The following GPC5 variants were observed in gnomAD, a reference collection of about 807,000 sequenced individuals.
GPC5 encodes glypican 5.
Under a neutral mutation model 53.9 loss-of-function variants are expected in GPC5, and 47 were observed. The ratio of observed to expected loss-of-function variants is 0.87; its 90% CI spans 0.69 to 1.11. The LOEUF (loss-of-function observed/expected upper bound fraction) is 1.11. Ranked by LOEUF, GPC5 falls within the 50% of genes most tolerant of loss-of-function variation. The pLI is 0.00. For missense variants in GPC5, 748 were observed against 713.1 expected, an observed-to-expected ratio of 1.05 and a Z score of -0.56; for synonymous variants, 286 against 263.3, an observed-to-expected ratio of 1.09 and a Z score of -0.84.
intron 3 of GPC5, among the ~76,000 whole-genome samples, chr13:91,695,996 C>T (rs1396267302): frequency 6.6e-6 from 1 of 152,154 alleles, no homozygotes; most frequent in Non-Finnish European, 1.5e-5. Context: ...GTCATGTGGG[C>T]TGGGTCAGCT....
In GPC5 at chr13:92,588,799, A is replaced by G. The variant is rs146943670; in HGVS notation, c.1562-277483A>G. On this transcript the variant is annotated intron_variant, in intron 7 of 7. Coordinates refer to ENST00000377067, the MANE Select transcript of GPC5 (RefSeq NM_004466.6). ...TGTCCCGGTCCCTGATAGAGGAGGTATTAGTTCCATACAGTTGGCATCCTG... is the reference window on the plus strand; with the variant it reads ...TGTCCCGGTCCCTGATAGAGGAGGTGTTAGTTCCATACAGTTGGCATCCTG... Among the ~76,000 whole-genome samples the G allele has an allele frequency of 2.1e-3, 326 of 152,320 alleles. 1 individual carries two copies. The highest frequency in any genetic ancestry group is 7.3e-3 in the African/African-American group (305 of 41,574).
intron 7 of GPC5, among the ~76,000 whole-genome samples, chr13:92,293,422 CTTTTTTTTTTTTT>C (rs748125673): frequency 1.3e-4 from 10 of 77,284 alleles, no homozygotes; most frequent in South Asian, 1.1e-3. Flanking sequence ...TGGTTGGTTT[CTTTTTTTTTTTTT>C]TTTTTTTTTT....
Position 91,861,570 on chromosome 13 carries a change from G to C in GPC5, c.1281-46367G>C, listed in dbSNP as rs1242715329. Among the ~76,000 whole-genome samples the C allele has an allele frequency of 3.3e-5, 5 of 151,790 alleles. No homozygotes were observed. In the East Asian group the frequency reaches 9.7e-4, roughly 29 times the overall value. On this transcript the variant is annotated intron_variant, in intron 5 of 7. Coordinates refer to ENST00000377067, the MANE Select transcript of GPC5 (RefSeq NM_004466.6). ...TGTTGTGTATATGGTTTATCTTTTTGTATAGGTTTACTTTTCACCTATCTG... is the reference window on the plus strand; with the variant it reads ...TGTTGTGTATATGGTTTATCTTTTTCTATAGGTTTACTTTTCACCTATCTG...
intron 2 of GPC5, among the ~76,000 whole-genome samples, chr13:91,529,365 G>A (rs1392963758): frequency 6.6e-6 from 1 of 151,996 alleles, no homozygotes; most frequent in Non-Finnish European, 1.5e-5. Context: ...TTATCTTAAA[G>A]AGAAAATAAG....
intron 7 of GPC5, among the ~76,000 whole-genome samples, chr13:92,287,230 A>G (rs1322338480): frequency 6.6e-6 from 1 of 152,192 alleles, no homozygotes; most frequent in East Asian, 1.9e-4. Context: ...TGTACTTTGT[A>G]TAGTTTCTGT....
intron 7 of GPC5, among the ~76,000 whole-genome samples, chr13:92,633,141 C>T (rs1885309358): frequency 6.6e-6 from 1 of 152,148 alleles, no homozygotes; most frequent in Non-Finnish European, 1.5e-5. Flanking sequence ...GATCCACCCG[C>T]CTCGGCCTCC....
chr13:92,503,083 T>C lies in GPC5; in HGVS notation c.1561+358094T>C, dbSNP rs1225262168. On this transcript the variant is annotated intron_variant, in intron 7 of 7. Coordinates refer to ENST00000377067, the MANE Select transcript of GPC5 (RefSeq NM_004466.6). ...CACATTTTCTTCTTTTAAAAAAATCTGTATAAATTTAAGGGGTACAAGTGC... is the reference window on the plus strand; with the variant it reads ...CACATTTTCTTCTTTTAAAAAAATCCGTATAAATTTAAGGGGTACAAGTGC... Among the ~76,000 whole-genome samples, 12 of 152,088 alleles carry C rather than the reference T, an allele frequency of 7.9e-5. No individual in the cohort carries two copies. In the East Asian group the frequency reaches 2.3e-3, roughly 29 times the overall value.
chr13:91,490,218 G>T (rs970057046), intron 2 of GPC5, among the ~76,000 whole-genome samples: 3 of 152,118 alleles, frequency 2.0e-5, no homozygotes, highest in Non-Finnish European at 2.9e-5. Flanking sequence ...ATGATGGATG[G>T]AAATAGAATT....
intron 7 of GPC5, among the ~76,000 whole-genome samples, chr13:92,433,916 A>G (rs1416248546): frequency 1.3e-5 from 2 of 152,182 alleles, no homozygotes; most frequent in Non-Finnish European, 2.9e-5. Context: ...AGTCAAGCAT[A>G]CATTTGAAGA....
chr13:92,522,401 A>C (rs557599978), intron 7 of GPC5, among the ~76,000 whole-genome samples: 24 of 152,332 alleles, frequency 1.6e-4, no homozygotes, highest in South Asian at 6.2e-4. Flanking sequence ...GGATTAAGAA[A>C]ATGTGGCGCA....
At chr13:92,741,562 G>A (rs1378534272) in intron 7 of GPC5, among the ~76,000 whole-genome samples, 1 of 151,848 alleles carries the variant, frequency 6.6e-6, no homozygotes, top group African/African-American at 2.4e-5. Flanking sequence ...GGCAACTTTA[G>A]GAGTAAACAT....
At chr13:92,613,821 C>T (rs953722259) in intron 7 of GPC5, among the ~76,000 whole-genome samples, 25 of 150,110 alleles carry the variant, frequency 1.7e-4, no homozygotes, top group Non-Finnish European at 7.4e-5. Flanking sequence ...GGTGCCACTG[C>T]ACTCCCACCT....
intron 4 of GPC5, among the ~76,000 whole-genome samples, chr13:91,739,617 G>A (rs2036886422): frequency 6.6e-6 from 1 of 151,164 alleles, no homozygotes; most frequent in Non-Finnish European, 1.5e-5. Flanking sequence ...CTGTTGGTGG[G>A]AGGCCTCCGT....
chr13:92,065,244 C>A (rs1481274283), intron 6 of GPC5, among the ~76,000 whole-genome samples: 1 of 152,040 alleles, frequency 6.6e-6, no homozygotes, highest in Non-Finnish European at 1.5e-5. Context: ...TCTCCAATCT[C>A]CAGAAAATAA....
In GPC5 at chr13:91,727,188, A is replaced by G. The variant is rs536724041; in HGVS notation, c.1021-1344A>G. On this transcript the variant is annotated intron_variant, in intron 3 of 7. Coordinates refer to ENST00000377067, the MANE Select transcript of GPC5 (RefSeq NM_004466.6). ...GATTTGTATCTCTAGCAATTAACAT[A>G]GTAGGGTATAACAGATATTTATTTT... Among the ~76,000 whole-genome samples the G allele has an allele frequency of 2.6e-5, 4 of 152,362 alleles. No homozygotes were observed. In the South Asian group the frequency reaches 8.3e-4, roughly 32 times the overall value.
At chr13:91,530,139 T>G (rs1410572576) in intron 2 of GPC5, among the ~76,000 whole-genome samples, 1 of 152,214 alleles carries the variant, frequency 6.6e-6, no homozygotes, top group East Asian at 1.9e-4. Flanking sequence ...CTTCAACATC[T>G]GCAAACTTCA....
At chr13:91,846,400 G>T (rs1032155107) in intron 5 of GPC5, among the ~76,000 whole-genome samples, 3 of 151,832 alleles carry the variant, frequency 2.0e-5, no homozygotes, top group African/African-American at 7.3e-5. Flanking sequence ...TGTACATAAG[G>T]GTTTTATTGA....
chr13:91,818,098 A>C (rs895938939), intron 5 of GPC5, among the ~76,000 whole-genome samples: 14 of 152,184 alleles, frequency 9.2e-5, no homozygotes, highest in African/African-American at 2.7e-4. Context: ...CTTTTCCTGG[A>C]AACTGGCATC....
At chr13:91,726,206 G>A (rs1216509956) in intron 3 of GPC5, among the ~76,000 whole-genome samples, 3 of 152,120 alleles carry the variant, frequency 2.0e-5, no homozygotes, top group Non-Finnish European at 2.9e-5. Flanking sequence ...ACTTCTCACT[G>A]TCAATCATTT....
Sources: gnomAD v4.1 joint callset for allele counts (sites outside exome capture counted in the v4.1 genomes callset) on GRCh38, gnomAD v4.1.1 for gene constraint, MANE v1.5 for transcripts, NCBI Gene and HGNC (gene_info 2026-07-23, HGNC 2026-07-21) for gene names.